Variants in PREX1 observed in about 807,000 individuals in gnomAD.
The protein encoded by PREX1 is phosphatidylinositol-3,4,5-trisphosphate dependent Rac exchange factor 1, also known as phosphatidylinositol 3,4,5-trisphosphate-dependent Rac exchanger 1 protein.
PREX1 carries 41 observed loss-of-function variants against 198.3 expected under a neutral mutation model. That is an observed-to-expected ratio of 0.21 (90% CI 0.16 to 0.27). The LOEUF (loss-of-function observed/expected upper bound fraction) is 0.27, where lower values mean the gene tolerates loss of function less well. PREX1 is among the 10% of genes least tolerant of loss of function. The pLI, the probability that PREX1 is intolerant of heterozygous loss-of-function variation, is 1.00. For missense variants in PREX1, 1,620 were observed against 2,200.7 expected, an observed-to-expected ratio of 0.74 and a Z score of 5.28; for synonymous variants, 843 against 887.2, an observed-to-expected ratio of 0.95 and a Z score of 0.89.
chr20:48,882,437 G>T, the PREX1 span, among the ~76,000 whole-genome samples: 1 of 135,326 alleles, frequency 7.4e-6, no homozygotes, highest in Non-Finnish European at 1.5e-5. Context: ...AGGAGGTGGA[G>T]CTTGCAATGA....
intron 1 of PREX1, among the ~76,000 whole-genome samples, chr20:48,824,365 T>G (rs573353502): frequency 6.6e-6 from 1 of 152,268 alleles, no homozygotes; most frequent in East Asian, 1.9e-4. Flanking sequence ...CACTGGTTCC[T>G]GTGGCCGGAG....
At chr20:48,781,213 A>G (rs973984028) in intron 1 of PREX1, among the ~76,000 whole-genome samples, 5 of 152,162 alleles carry the variant, frequency 3.3e-5, no homozygotes, top group Non-Finnish European at 7.3e-5. Flanking sequence ...ACAAAATTCT[A>G]CTGAATCTTA....
chr20:48,759,460 G>C (rs1350245846), intron 1 of PREX1, among the ~76,000 whole-genome samples: 1 of 138,664 alleles, frequency 7.2e-6, no homozygotes, highest in Non-Finnish European at 1.5e-5. Context: ...TAAGACAGGA[G>C]AATCATTTGA....
chr20:48,692,568 C>T, intron 8 of PREX1, 104 bp downstream of exon 8: 1 of 921,754 alleles, frequency 1.1e-6, no homozygotes, highest in Non-Finnish European at 1.7e-6. Flanking sequence ...AGGTAGATTA[C>T]ATCTCATGAT....
At position 48,708,371 on chromosome 20, in the gene PREX1, C is replaced by T. The variant is rs2123086900; in HGVS notation, c.672G>A (p.Gln224=). 6.2e-7 allele frequency: 1 copy of T among 1,614,156 alleles called. No homozygotes were observed. Among genetic ancestry groups the T allele is most frequent in the East Asian group, 2.2e-5 (1 of 44,868 alleles). ...CGGTCTTCATGGCCTGCAGGGCACT[C>T]TGGACCGCGGGGTGGTCTGGGTGCT... ...PGKHPDHPAV[Q]SALQAMKTVC... Residue 224 remains glutamine, a synonymous_variant, in exon 6 of 40, where the codon CAG becomes CAA. Coordinates refer to ENST00000371941, the MANE Select transcript of PREX1 (RefSeq NM_020820.4).
chr20:48,642,443 G>A lies in PREX1; in HGVS notation c.3648C>T (p.Asp1216=). ...CDMRIPSDKQ[D]KLHGCLEHLF... Reference sequence around the variant, plus strand: ...GGTGCTCCAGGCAGCCATGAAGCTTGTCCTGCTTGTCAGATGGGATCCGCA... The same window carrying A: ...GGTGCTCCAGGCAGCCATGAAGCTTATCCTGCTTGTCAGATGGGATCCGCA... The change falls in exon 28 of 40, where the codon GAC becomes GAT. Residue 1216 remains aspartate, a synonymous_variant. Coordinates refer to ENST00000371941, the MANE Select transcript of PREX1 (RefSeq NM_020820.4). 2.5e-6 allele frequency: 4 copies of A among 1,613,688 alleles called. No homozygotes were observed. The highest frequency in any genetic ancestry group is 3.4e-6 in the Non-Finnish European group (4 of 1,179,672).
the PREX1 span, among the ~76,000 whole-genome samples, chr20:48,845,493 A>G: frequency 2.0e-5 from 3 of 152,172 alleles, no homozygotes; most frequent in African/African-American, 7.2e-5. Flanking sequence ...GCTTGGGGCC[A>G]GGAGTTTGTG....
chr20:48,751,401 C>T (rs188574795), intron 1 of PREX1, among the ~76,000 whole-genome samples: 89 of 152,326 alleles, frequency 5.8e-4, no homozygotes, highest in African/African-American at 1.9e-3. Flanking sequence ...TTTCTTCACA[C>T]GAGCTCTGCC....
chr20:48,728,504 G>T (rs2090019439), intron 4 of PREX1, among the ~76,000 whole-genome samples: 3 of 152,230 alleles, frequency 2.0e-5, no homozygotes, highest in Admixed American at 2.0e-4. Context: ...TAGCTGAGCT[G>T]AATGGCCCCC....
chr20:48,824,840 C>A (rs1277451874), intron 1 of PREX1, among the ~76,000 whole-genome samples: 1 of 152,074 alleles, frequency 6.6e-6, no homozygotes, highest in Non-Finnish European at 1.5e-5. Context: ...CACATGGCCC[C>A]TATCACGGGG....
chr20:48,744,393 G>A (rs2090098199), intron 3 of PREX1, among the ~76,000 whole-genome samples: 1 of 152,196 alleles, frequency 6.6e-6, no homozygotes, highest in African/African-American at 2.4e-5. Context: ...AGGCAAAGGA[G>A]TTTGGCTCAC....
At chr20:48,841,109 C>T in the PREX1 span, among the ~76,000 whole-genome samples, 2 of 152,000 alleles carry the variant, frequency 1.3e-5, no homozygotes, top group Admixed American at 6.6e-5. Flanking sequence ...TTTGCAGATA[C>T]GGGGTTTCAC....
chr20:48,726,502 C>T (rs927628526), intron 4 of PREX1, 111 bp from the exon 5 acceptor site: 2 of 753,864 alleles, frequency 2.7e-6, no homozygotes, highest in Non-Finnish European at 2.3e-6. Context: ...ACTTGGCAAG[C>T]GATTTAGCGA....
At chr20:48,843,236 C>G in the PREX1 span, among the ~76,000 whole-genome samples, 3 of 152,176 alleles carry the variant, frequency 2.0e-5, no homozygotes, top group African/African-American at 7.2e-5. Flanking sequence ...GTCATCTAAG[C>G]CTGTCTAACT....
At chr20:48,679,298 C>T (rs2089730664) in intron 13 of PREX1, 62 bp downstream of exon 13, 2 of 1,500,224 alleles carry the variant, frequency 1.3e-6, no homozygotes, top group African/African-American at 1.4e-5. Context: ...AAGTTGCCAG[C>T]CCAAGGCCAC....
At chr20:48,721,561 G>A (rs1441433743) in intron 5 of PREX1, among the ~76,000 whole-genome samples, 1 of 152,250 alleles carries the variant, frequency 6.6e-6, no homozygotes, top group African/African-American at 2.4e-5. Flanking sequence ...GCTGAGCAGA[G>A]AAGATGACAA....
chr20:48,863,932 C>A, the PREX1 span, among the ~76,000 whole-genome samples: 1 of 152,170 alleles, frequency 6.6e-6, no homozygotes, highest in East Asian at 1.9e-4. Context: ...TCTTCCATGT[C>A]TTTTCATGGC....
At chr20:48,696,800 G>A (rs768072802) in intron 7 of PREX1, among the ~76,000 whole-genome samples, 4 of 152,150 alleles carry the variant, frequency 2.6e-5, no homozygotes, top group East Asian at 1.9e-4. Flanking sequence ...TTCTGGCTTC[G>A]GCTCCTGGGC....
chr20:48,792,298 C>T (rs56382713), intron 1 of PREX1, among the ~76,000 whole-genome samples: 25,372 of 151,868 alleles, frequency 0.17, 2,295 homozygotes, highest in Middle Eastern at 0.29. Context: ...TGGAGAAACC[C>T]GGTCTCTACT....
Sources: gnomAD v4.1 joint callset for allele counts (sites outside exome capture counted in the v4.1 genomes callset) on GRCh38, gnomAD v4.1.1 for gene constraint, MANE v1.5 for transcripts, NCBI Gene and HGNC (gene_info 2026-07-23, HGNC 2026-07-21) for gene names.